The following CACNA1C variants were observed in gnomAD, a reference collection of about 807,000 sequenced individuals.
CACNA1C encodes voltage-dependent L-type calcium channel subunit alpha-1C.
A neutral mutation model predicts 229.0 loss-of-function variants in CACNA1C; 30 were observed. That is an observed-to-expected ratio of 0.13 (90% CI 0.10 to 0.18). CACNA1C has a LOEUF of 0.18. Ranked by LOEUF, CACNA1C falls within the 10% of genes least tolerant of loss-of-function variation. The probability of loss-of-function intolerance (pLI) is 1.00; values close to 1 mark genes in which losing one functional copy is unlikely to be tolerated. For synonymous variants in CACNA1C, 1,114 were observed against 1,132.5 expected (o/e 0.98, Z 0.33); for missense variants, 1,658 against 2,845.0 (o/e 0.58, Z 9.49).
chr12:1,972,445 A>G (rs1254456564), intron 1 of CACNA1C, among the ~76,000 whole-genome samples: 1 of 152,234 alleles, frequency 6.6e-6, no homozygotes, highest in Non-Finnish European at 1.5e-5. Context: ...GTACACATGC[A>G]CACACAGCTA....
intron 9 of CACNA1C, among the ~76,000 whole-genome samples, chr12:2,521,325 C>T (rs969482038): frequency 4.6e-5 from 7 of 152,158 alleles, no homozygotes; most frequent in Non-Finnish European, 8.8e-5. Flanking sequence ...TACCAGGGAG[C>T]CACCGGGACC....
intron 3 of CACNA1C, among the ~76,000 whole-genome samples, chr12:2,156,875 G>A (rs1296874796): frequency 6.6e-6 from 1 of 152,240 alleles, no homozygotes; most frequent in African/African-American, 2.4e-5. Context: ...TGAACTCACT[G>A]GAGATGTTCT....
In CACNA1C at chr12:2,462,802, T is replaced by C. The variant is rs1373116667; in HGVS notation, c.757+5096T>C. Reference sequence around the variant, plus strand: ...ATTGGGTGATATTAAGAAATGTACATAGGCAATATATAGATATGTAGGGTT... The same window carrying C: ...ATTGGGTGATATTAAGAAATGTACACAGGCAATATATAGATATGTAGGGTT... On this transcript the variant is annotated intron_variant, in intron 5 of 46. Coordinates refer to ENST00000399655, the MANE Select transcript of CACNA1C (RefSeq NM_000719.7). Among the ~76,000 whole-genome samples the C allele has an allele frequency of 2.0e-5, 3 of 152,128 alleles. No individual in the cohort carries two copies. In the East Asian group the frequency reaches 5.8e-4, roughly 29 times the overall value.
chr12:2,041,827 G>A (rs971049761), intron 1 of CACNA1C, among the ~76,000 whole-genome samples: 2 of 152,244 alleles, frequency 1.3e-5, no homozygotes. Context: ...CCAACGTTCA[G>A]TGGCCGGGGC....
intron 9 of CACNA1C, among the ~76,000 whole-genome samples, chr12:2,538,800 T>A (rs1272137679): frequency 1.3e-5 from 2 of 152,350 alleles, no homozygotes; most frequent in East Asian, 3.9e-4. Flanking sequence ...AAGGAATAAC[T>A]TTCCAAGTTA....
chr12:2,578,871 G>A (rs1600854921), intron 13 of CACNA1C, among the ~76,000 whole-genome samples: 1 of 152,210 alleles, frequency 6.6e-6, no homozygotes, highest in African/African-American at 2.4e-5. Flanking sequence ...CCCTGCCCAC[G>A]TCCTTGCCTT....
chr12:2,274,178 T>A (rs2086592697), intron 3 of CACNA1C, among the ~76,000 whole-genome samples: 2 of 152,184 alleles, frequency 1.3e-5, no homozygotes, highest in South Asian at 2.1e-4. Context: ...GTGGGCCCCA[T>A]TTCTAAGCTG....
At chr12:2,634,781 C>T (rs1603045918) in intron 30 of CACNA1C, among the ~76,000 whole-genome samples, 1 of 152,244 alleles carries the variant, frequency 6.6e-6, no homozygotes, top group East Asian at 1.9e-4. Context: ...CCTTCTCCTC[C>T]AGCCACTGCC....
intron 1 of CACNA1C, among the ~76,000 whole-genome samples, chr12:2,078,769 C>T (rs1396296971): frequency 6.6e-6 from 1 of 152,106 alleles, no homozygotes; most frequent in African/African-American, 2.4e-5. Context: ...CCCAGCCATC[C>T]CATTACTGGG....
intron 1 of CACNA1C, among the ~76,000 whole-genome samples, chr12:2,055,666 C>T (rs1384491599): frequency 6.6e-6 from 1 of 152,206 alleles, no homozygotes; most frequent in Non-Finnish European, 1.5e-5. Context: ...AGAGCTCTAC[C>T]TTTCCAGCAA....
intron 29 of CACNA1C, among the ~76,000 whole-genome samples, chr12:2,622,158 G>A (rs555320176): frequency 1.1e-4 from 16 of 152,274 alleles, no homozygotes; most frequent in Non-Finnish European, 2.1e-4. Flanking sequence ...AGCCAGCTGC[G>A]GAGAAGAAAG....
chr12:2,665,104 T>C lies in CACNA1C; in HGVS notation c.4398+114T>C. ...GGGCAACCCTATCAGAGGAGCTGGC[T>C]TGGGAAGACTAAGTTGGCAGGAGTG... On this transcript the variant is annotated intron_variant, in intron 35 of 46. Transcript: ENST00000399655. The surrounding 1 kb of genome is among the most constrained non-coding windows in gnomAD (Gnocchi z 5.9). 1 of 1,126,102 alleles carries C rather than the reference T, an allele frequency of 8.9e-7. No homozygotes were observed. The highest frequency in any genetic ancestry group is 2.4e-5 in the East Asian group (1 of 40,880). The allele number at this position is 1,126,102 out of a possible 1,614,324, so 69.8% of individuals were successfully genotyped here. A position where few individuals can be genotyped will look rare whatever the true frequency, so the allele number is the denominator to read the frequency against.
chr12:2,066,003 A>C (rs958481379), intron 1 of CACNA1C, among the ~76,000 whole-genome samples: 3 of 152,086 alleles, frequency 2.0e-5, no homozygotes, highest in African/African-American at 7.2e-5. Flanking sequence ...GGCCGTTTAA[A>C]GTGTTTGAGT....
chr12:2,320,219 C>G (rs1341633289), intron 3 of CACNA1C, among the ~76,000 whole-genome samples: 3 of 152,116 alleles, frequency 2.0e-5, no homozygotes, highest in Non-Finnish European at 4.4e-5. Context: ...GACTTCAGGT[C>G]CTGTGGGATC....
intron 3 of CACNA1C, among the ~76,000 whole-genome samples, chr12:2,419,191 C>G (rs2098948535): frequency 6.6e-6 from 1 of 152,142 alleles, no homozygotes; most frequent in Admixed American, 6.5e-5. Flanking sequence ...CGTTGGCTCA[C>G]AGTTCTGCAG....
intron 42 of CACNA1C, chr12:2,682,134 C>G: frequency 1.2e-6 from 1 of 827,964 alleles, no homozygotes; most frequent in Non-Finnish European, 2.0e-6. Context: ...AGGCCAAGGA[C>G]TTCTCAGCTA....
chr12:2,562,675 G>A (rs1321202218), intron 11 of CACNA1C, among the ~76,000 whole-genome samples: 4 of 152,132 alleles, frequency 2.6e-5, no homozygotes, highest in Non-Finnish European at 5.9e-5. Context: ...TCGGATCCAG[G>A]GCAGTATGTC....
At chr12:2,560,649 G>A (rs893411562) in intron 11 of CACNA1C, among the ~76,000 whole-genome samples, 5 of 152,170 alleles carry the variant, frequency 3.3e-5, no homozygotes, top group South Asian at 2.1e-4. Flanking sequence ...TGAACCTCAC[G>A]GGGTTCTGAA....
chr12:2,103,266 T>A (rs1258664760), intron 1 of CACNA1C, among the ~76,000 whole-genome samples: 3 of 152,246 alleles, frequency 2.0e-5, no homozygotes, highest in African/African-American at 7.2e-5. Flanking sequence ...GAGTTTTTAA[T>A]GATAACCATT....
Sources: allele counts gnomAD v4.1 joint callset (sites outside exome capture counted in the v4.1 genomes callset), GRCh38; gene constraint gnomAD v4.1.1; non-coding constraint Gnocchi (gnomAD v3.1); transcripts MANE v1.5; gene names NCBI Gene and HGNC (gene_info 2026-07-23, HGNC 2026-07-21).